Variants in TAS2R1 observed in about 807,000 individuals in gnomAD.
TAS2R1 encodes taste receptor type 2 member 1.
For missense variants in TAS2R1, 370 were observed against 353.4 expected (o/e 1.05, Z -0.38); for synonymous variants, 141 against 134.2 (o/e 1.05, Z -0.35).
At chr5:9,718,583 T>C in the TAS2R1 span, among the ~76,000 whole-genome samples, 1 of 151,642 alleles carries the variant, frequency 6.6e-6, no homozygotes, top group Admixed American at 6.6e-5. Context: ...AGGCCAGGAG[T>C]TTAAGACCAG....
intron 1 of TAS2R1, among the ~76,000 whole-genome samples, chr5:9,701,072 A>G (rs1208605895): frequency 6.6e-6 from 1 of 152,192 alleles, no homozygotes; most frequent in Non-Finnish European, 1.5e-5. Flanking sequence ...CACTCCTGAC[A>G]CAGGTGAACC....
chr5:9,685,628 C>A (rs550523640), intron 1 of TAS2R1, among the ~76,000 whole-genome samples: 1 of 152,244 alleles, frequency 6.6e-6, no homozygotes, highest in East Asian at 1.9e-4. Context: ...GGATTCACAA[C>A]AGATCTCAAA....
chr5:9,717,589 T>C, the TAS2R1 span, among the ~76,000 whole-genome samples: 3 of 152,028 alleles, frequency 2.0e-5, no homozygotes, highest in African/African-American at 7.2e-5. Flanking sequence ...CGCTACCAGA[T>C]GTTAAAACAT....
chr5:9,673,413 T>C (rs1427999980), intron 1 of TAS2R1, among the ~76,000 whole-genome samples: 3 of 152,122 alleles, frequency 2.0e-5, no homozygotes, highest in South Asian at 2.1e-4. Flanking sequence ...TGTGTAGGCA[T>C]TATGGTTTCT....
At chr5:9,705,631 G>A (rs1741589788) in intron 1 of TAS2R1, among the ~76,000 whole-genome samples, 1 of 152,224 alleles carries the variant, frequency 6.6e-6, no homozygotes, top group African/African-American at 2.4e-5. Flanking sequence ...GGCTGAGGTG[G>A]GCAGAACAAC....
chr5:9,647,750 T>G (rs1281584675), intron 2 of TAS2R1, among the ~76,000 whole-genome samples: 1 of 152,202 alleles, frequency 6.6e-6, no homozygotes, highest in Non-Finnish European at 1.5e-5. Context: ...AAGATTCATT[T>G]TATGAAATAT....
At chr5:9,659,061 T>C (rs1561371474) in intron 2 of TAS2R1, among the ~76,000 whole-genome samples, 1 of 152,210 alleles carries the variant, frequency 6.6e-6, no homozygotes. Flanking sequence ...CAAATTGGCA[T>C]CCAGGTTTAA....
At chr5:9,703,280 G>A (rs1741531173) in intron 1 of TAS2R1, among the ~76,000 whole-genome samples, 1 of 152,138 alleles carries the variant, frequency 6.6e-6, no homozygotes, top group Non-Finnish European at 1.5e-5. Context: ...GATACTGTTA[G>A]GTGGGGCTAT....
chr5:9,752,997 C>T, the TAS2R1 span, among the ~76,000 whole-genome samples: 14 of 152,006 alleles, frequency 9.2e-5, no homozygotes, highest in East Asian at 1.9e-4. Context: ...TGAATAGTGC[C>T]GCAATAAACA....
the TAS2R1 span, among the ~76,000 whole-genome samples, chr5:9,817,391 A>G: frequency 2.0e-5 from 3 of 152,352 alleles, no homozygotes; most frequent in East Asian, 5.8e-4. Context: ...ACAATTTTAC[A>G]GGCATCAACA....
At chr5:9,736,286 A>T in the TAS2R1 span, among the ~76,000 whole-genome samples, 5 of 152,246 alleles carry the variant, frequency 3.3e-5, no homozygotes, top group Admixed American at 3.3e-4. Flanking sequence ...GGGACCGCAG[A>T]AAGCTAGCAC....
At chr5:9,689,535 A>G (rs527678997) in intron 1 of TAS2R1, among the ~76,000 whole-genome samples, 1 of 152,252 alleles carries the variant, frequency 6.6e-6, no homozygotes, top group African/African-American at 2.4e-5. Flanking sequence ...TATAATCATA[A>G]GCTCTTTTTT....
upstream of TAS2R1, among the ~76,000 whole-genome samples, chr5:9,631,542 A>G (rs528524408): frequency 1.3e-5 from 2 of 152,154 alleles, no homozygotes; most frequent in African/African-American, 4.8e-5. Flanking sequence ...ACTCCCAGCC[A>G]AGTTAGTTCT....
the TAS2R1 span, among the ~76,000 whole-genome samples, chr5:9,821,718 A>G: frequency 6.6e-6 from 1 of 152,242 alleles, no homozygotes; most frequent in Admixed American, 6.5e-5. Flanking sequence ...ACAAGCATTA[A>G]CTGGAAAATC....
At chr5:9,799,805 G>C in the TAS2R1 span, among the ~76,000 whole-genome samples, 10 of 152,284 alleles carry the variant, frequency 6.6e-5, no homozygotes, top group Non-Finnish European at 1.2e-4. Context: ...AGCTTCAAAC[G>C]AGCTAACAGA....
the TAS2R1 span, among the ~76,000 whole-genome samples, chr5:9,847,207 C>T: frequency 3.9e-4 from 59 of 152,320 alleles, no homozygotes; most frequent in Non-Finnish European, 6.9e-4. Context: ...ACAGCCTTAT[C>T]ATATTCATAT....
chr5:9,806,164 A>G, the TAS2R1 span, among the ~76,000 whole-genome samples: 4 of 152,094 alleles, frequency 2.6e-5, no homozygotes, highest in Non-Finnish European at 5.9e-5. Flanking sequence ...CAAAAAAAAT[A>G]AAATAAAATA....
chr5:9,678,787 T>C (rs974998448), intron 1 of TAS2R1, among the ~76,000 whole-genome samples: 1 of 151,798 alleles, frequency 6.6e-6, no homozygotes, highest in Non-Finnish European at 1.5e-5. Context: ...GTTGGGGGGT[T>C]TGGGGGAGGG....
Position 9,629,860 on chromosome 5 carries a change from A to T in TAS2R1, c.173T>A (p.Leu58Gln). 2 of 1,613,652 alleles carry T rather than the reference A, an allele frequency of 1.2e-6. No individual in the cohort carries two copies. Among genetic ancestry groups the T allele is most frequent in the Non-Finnish European group, 1.7e-6 (2 of 1,179,940 alleles). The part of the protein sequence containing the change: ...LSCLAVSRIF[L>Q]QLFIFYVNVI... ...ATTAACGTAGAAGATGAACAACTGCAGAAAAATTCTAGAAACTGCCAGACA... is the reference window on the plus strand; with the variant it reads ...ATTAACGTAGAAGATGAACAACTGCTGAAAAATTCTAGAAACTGCCAGACA... Residue 58 changes from leucine to glutamine, a missense_variant, in exon 1 of 1, where the codon CTG becomes CAG. By Grantham distance (113) the Leu-to-Gln change is moderately radical. Coordinates refer to ENST00000382492, the MANE Select transcript of TAS2R1 (RefSeq NM_019599.3).
Sources: gnomAD v4.1 joint callset for allele counts (sites outside exome capture counted in the v4.1 genomes callset) on GRCh38, gnomAD v4.1.1 for gene constraint, MANE v1.5 for transcripts, NCBI Gene and HGNC (gene_info 2026-07-23, HGNC 2026-07-21) for gene names.